Variants in CEP135 observed in about 807,000 individuals in gnomAD.
CEP135 encodes centrosomal protein of 135 kDa.
A neutral mutation model predicts 157.3 loss-of-function variants in CEP135; 142 were observed. That is an observed-to-expected ratio of 0.90 (90% confidence interval 0.79 to 1.04). The LOEUF (loss-of-function observed/expected upper bound fraction) is 1.04, where lower values mean the gene tolerates loss of function less well. Ranked by LOEUF, CEP135 falls within the 50% of genes least tolerant of loss-of-function variation. The pLI, the probability that CEP135 is intolerant of heterozygous loss-of-function variation, is 0.00. For synonymous variants in CEP135, 396 were observed against 439.8 expected, an observed-to-expected ratio of 0.90 and a Z score of 1.25; for missense variants, 1,317 against 1,309.2, an observed-to-expected ratio of 1.01 and a Z score of -0.09.
Position 56,011,533 on chromosome 4 carries a change from T to C in CEP135, c.2616+11T>C. The C allele has an allele frequency of 1.3e-6, 2 of 1,568,584 alleles. No homozygotes were observed. Among genetic ancestry groups the C allele is most frequent in the Admixed American group, 1.8e-5 (1 of 54,244 alleles). On this transcript the variant is annotated intron_variant, in intron 20 of 25. Coordinates refer to ENST00000257287, the MANE Select transcript of CEP135 (RefSeq NM_025009.5). ...TTAATGGCTGCCAAGGTGAAAAATA[T>C]TATTTAGGTTGGATTTAAGACTGAG...
intron 13 of CEP135, among the ~76,000 whole-genome samples, chr4:55,982,124 C>T: frequency 6.6e-6 from 1 of 152,158 alleles, no homozygotes; most frequent in East Asian, 1.9e-4. Flanking sequence ...TTTCTCCCAT[C>T]CCCTCTTAGC....
Position 55,976,187 on chromosome 4 carries a change from G to A in CEP135, c.1473+1218G>A, listed in dbSNP as rs191739733. On this transcript the variant is annotated intron_variant, in intron 11 of 25. Coordinates refer to ENST00000257287, the MANE Select transcript of CEP135 (RefSeq NM_025009.5). ...GGGGATTGCTTGAGCCCAGGAGTTC[G>A]AGGCTGCAGTGAGCCATGATCTCGT... Among the ~76,000 whole-genome samples the A allele has an allele frequency of 5.6e-4, 84 of 151,310 alleles. 1 individual carries two copies. The highest frequency in any genetic ancestry group is 2.0e-3 in the African/African-American group (82 of 41,180).
intron 15 of CEP135, among the ~76,000 whole-genome samples, chr4:55,994,071 A>T (rs1729882231): frequency 6.6e-6 from 1 of 152,054 alleles, no homozygotes; most frequent in Non-Finnish European, 1.5e-5. Flanking sequence ...TAGAACCATG[A>T]GTTGAAACCA....
intron 23 of CEP135, 55 bp from the exon 24 acceptor site, chr4:56,020,621 A>G (rs1374532454): frequency 2.1e-6 from 3 of 1,423,182 alleles, no homozygotes; most frequent in East Asian, 4.6e-5. Flanking sequence ...AACCCACAGC[A>G]CCTGACTCTA....
At chr4:55,992,506 C>T (rs1439594733) in intron 15 of CEP135, among the ~76,000 whole-genome samples, 1 of 152,146 alleles carries the variant, frequency 6.6e-6, no homozygotes, top group African/African-American at 2.4e-5. Flanking sequence ...AAAGAATTTA[C>T]CTCCAATTTT....
At chr4:56,030,111 A>G (rs1437150779) in intron 25 of CEP135, among the ~76,000 whole-genome samples, 1 of 152,204 alleles carries the variant, frequency 6.6e-6, no homozygotes, top group East Asian at 1.9e-4. Flanking sequence ...AGTCAGGATC[A>G]TCAATATCAC....
intron 12 of CEP135, 48 bp from the exon 13 acceptor site, chr4:55,981,179 A>C (rs1343356949): frequency 7.3e-6 from 11 of 1,512,748 alleles, no homozygotes; most frequent in Non-Finnish European, 8.8e-6. Flanking sequence ...TTTTATTTAT[A>C]TCTTTTACTA....
chr4:56,005,926 C>T (rs187959153), intron 17 of CEP135, among the ~76,000 whole-genome samples: 51 of 152,158 alleles, frequency 3.4e-4, no homozygotes, highest in Admixed American at 2.2e-3. Flanking sequence ...TTCCTCTTGG[C>T]CTGTATGGTT....
intron 10 of CEP135, among the ~76,000 whole-genome samples, chr4:55,973,330 C>T (rs1170590270): frequency 6.6e-6 from 1 of 152,182 alleles, no homozygotes; most frequent in African/African-American, 2.4e-5. Flanking sequence ...TTCCATTCTC[C>T]ACGGGGGATA....
At chr4:56,031,014 G>A (rs1731325360) in intron 25 of CEP135, among the ~76,000 whole-genome samples, 1 of 151,900 alleles carries the variant, frequency 6.6e-6, no homozygotes, top group African/African-American at 2.4e-5. Flanking sequence ...GCATGGTGAT[G>A]TGCACCTGCC....
intron 25 of CEP135, among the ~76,000 whole-genome samples, chr4:56,025,048 G>T (rs555394139): frequency 5.6e-4 from 85 of 152,176 alleles, no homozygotes; most frequent in African/African-American, 2.0e-3. Flanking sequence ...GGGGAGGTGG[G>T]GGAGGATACT....
chr4:55,963,823 C>T (rs1728758142), intron 6 of CEP135, among the ~76,000 whole-genome samples: 1 of 152,156 alleles, frequency 6.6e-6, no homozygotes, highest in African/African-American at 2.4e-5. Context: ...TAATTAAATT[C>T]ACCCCAGTTT....
intron 20 of CEP135, 27 bp from the exon 21 acceptor site, chr4:56,011,773 G>C: frequency 6.5e-7 from 1 of 1,536,246 alleles, no homozygotes; most frequent in Non-Finnish European, 8.8e-7. Flanking sequence ...TACTAATTTA[G>C]AAACAATTTT....
intron 21 of CEP135, among the ~76,000 whole-genome samples, chr4:56,014,472 C>T (rs968827816): frequency 2.0e-5 from 3 of 152,096 alleles, no homozygotes; most frequent in African/African-American, 7.2e-5. Flanking sequence ...TGGATTTTGC[C>T]AGAAATATGA....
intron 11 of CEP135, among the ~76,000 whole-genome samples, chr4:55,979,584 G>T (rs1729331737): frequency 6.6e-6 from 1 of 152,320 alleles, no homozygotes; most frequent in South Asian, 2.1e-4. Context: ...GTGCTAGGCT[G>T]TTACAGTTAC....
intron 14 of CEP135, among the ~76,000 whole-genome samples, chr4:55,987,421 TC>T (rs1342520447): frequency 1.3e-5 from 2 of 152,206 alleles, no homozygotes; most frequent in African/African-American, 4.8e-5. Flanking sequence ...GCCTTGGCCT[TC>T]TTTGACTGTC....
chr4:55,998,702 T>TA (rs1290624832), intron 15 of CEP135, among the ~76,000 whole-genome samples: 2 of 152,098 alleles, frequency 1.3e-5, no homozygotes, highest in South Asian at 4.1e-4. Flanking sequence ...CCGTCTCTAC[T>TA]AAAAATAGAA....
At chr4:55,950,058 G>A (rs1030347808) in intron 1 of CEP135, among the ~76,000 whole-genome samples, 2 of 152,094 alleles carry the variant, frequency 1.3e-5, no homozygotes, top group African/African-American at 4.8e-5. Context: ...GATGTCTGCA[G>A]GAATTTCCCT....
chr4:56,006,404 C>A (rs1457913091), intron 17 of CEP135, among the ~76,000 whole-genome samples: 1 of 152,122 alleles, frequency 6.6e-6, no homozygotes, highest in East Asian at 1.9e-4. Flanking sequence ...AAATGTATTT[C>A]TCAATTCTAA....
Sources: gnomAD v4.1 joint callset for allele counts (sites outside exome capture counted in the v4.1 genomes callset) on GRCh38, gnomAD v4.1.1 for gene constraint, MANE v1.5 for transcripts, NCBI Gene and HGNC (gene_info 2026-07-23, HGNC 2026-07-21) for gene names.